The following NFASC variants were observed in gnomAD, a reference collection of about 807,000 sequenced individuals.
NFASC encodes the protein neurofascin.
A neutral mutation model predicts 147.5 loss-of-function variants in NFASC; 43 were observed. The ratio of observed to expected loss-of-function variants is 0.29; its 90% CI spans 0.23 to 0.38. NFASC has a LOEUF of 0.38. Ranked by LOEUF, NFASC falls within the 10% of genes least tolerant of loss-of-function variation. The probability of loss-of-function intolerance (pLI) is 1.00; values close to 1 mark genes in which losing one functional copy is unlikely to be tolerated. For missense variants in NFASC, 1,320 were observed against 1,689.0 expected (o/e 0.78, Z 3.83); for synonymous variants, 622 against 665.5 (o/e 0.93, Z 1.01).
chr1:204,861,467 T>C (rs1166290145), intron 1 of NFASC, among the ~76,000 whole-genome samples: 2 of 152,224 alleles, frequency 1.3e-5, no homozygotes, highest in Admixed American at 6.5e-5. Flanking sequence ...AACATTTGGC[T>C]TATTGAGGAA....
intron 23 of NFASC, 108 bp downstream of exon 23, chr1:204,988,914 C>T (rs2095666245): frequency 3.8e-6 from 4 of 1,048,316 alleles, no homozygotes; most frequent in Middle Eastern, 3.0e-4. Flanking sequence ...GGAAATGAGA[C>T]TTGCAAGTCC....
chr1:204,984,369 GTATATATATACGCATATATATATATATA>G (rs2095567300), intron 21 of NFASC: 2 of 179,574 alleles, frequency 1.1e-5, no homozygotes, highest in Non-Finnish European at 2.1e-5. Context: ...GTGTGTGTGT[GTATATATATACGCATATATATATATATA>G]TATATATATA....
chr1:204,930,270 T>C (rs2092243233), intron 2 of NFASC, among the ~76,000 whole-genome samples: 2 of 151,474 alleles, frequency 1.3e-5, no homozygotes, highest in South Asian at 4.2e-4. Flanking sequence ...CAGGGGGAGA[T>C]TTGAGAAAGA....
chr1:204,838,105 G>A (rs1210271434), intron 1 of NFASC, among the ~76,000 whole-genome samples: 7 of 152,142 alleles, frequency 4.6e-5, no homozygotes, highest in Non-Finnish European at 8.8e-5. Context: ...ACATCTAAAT[G>A]CTTTATATTA....
At chr1:204,969,711 C>G (rs572756444) in intron 10 of NFASC, among the ~76,000 whole-genome samples, 1 of 152,138 alleles carries the variant, frequency 6.6e-6, no homozygotes, top group Non-Finnish European at 1.5e-5. Context: ...ATCTGAAAGG[C>G]TCACTTCTCA....
At chr1:204,859,377 C>T (rs2076471952) in intron 1 of NFASC, among the ~76,000 whole-genome samples, 1 of 152,194 alleles carries the variant, frequency 6.6e-6, no homozygotes, top group South Asian at 2.1e-4. Flanking sequence ...TCATCATTGG[C>T]CACAGCAGTT....
rs551568942 is a variant in NFASC at position 204,997,556 on chromosome 1, G to A, written c.3019+150G>A. On this transcript the variant is annotated intron_variant, in intron 25 of 29. Transcript: ENST00000339876. ...TTGTGTTTCCTTTGGAAACTCACCC[G>A]TGACTGGATGCTCAGTCCCGTAGCC... 3.0e-4 allele frequency: 270 copies of A among 898,518 alleles called. 1 individual carries two copies. The highest frequency in any genetic ancestry group is 2.5e-3 in the African/African-American group (153 of 60,708). The allele number at this position is 898,518 out of a possible 1,614,324, so 55.7% of individuals were successfully genotyped here. A position where few individuals can be genotyped will look rare whatever the true frequency, so the allele number is the denominator to read the frequency against.
chr1:205,014,855 T>C (rs554080944), intron 29 of NFASC, among the ~76,000 whole-genome samples: 2 of 152,240 alleles, frequency 1.3e-5, no homozygotes, highest in South Asian at 4.1e-4. Context: ...AAGGAGTGCA[T>C]GCGAATAAGA....
At chr1:205,005,651 C>T (rs1160252932) in intron 27 of NFASC, among the ~76,000 whole-genome samples, 1 of 152,222 alleles carries the variant, frequency 6.6e-6, no homozygotes, top group Non-Finnish European at 1.5e-5. Flanking sequence ...GCCTTCCTCT[C>T]AGAGTCCAGG....
rs2093687684 is a variant in NFASC, at chr1:204,945,793, G to A, written c.91+1387G>A. ...GAGAGTTTCTCATTAACAGTCCCAGGCAGACAGTCTAATAAGGAGCCTGGT... is the reference window on the plus strand; with the variant it reads ...GAGAGTTTCTCATTAACAGTCCCAGACAGACAGTCTAATAAGGAGCCTGGT... On this transcript the variant is annotated intron_variant, in intron 3 of 29. Coordinates refer to ENST00000339876, the MANE Select transcript of NFASC (RefSeq NM_001005388.3). Among the ~76,000 whole-genome samples the A allele has an allele frequency of 2.6e-5, 4 of 152,326 alleles. No individual in the cohort carries two copies. In the South Asian group the frequency reaches 8.3e-4, roughly 32 times the overall value.
At chr1:204,947,098 G>A (rs1208399615) in intron 3 of NFASC, 1 of 315,032 alleles carries the variant, frequency 3.2e-6, no homozygotes, top group Non-Finnish European at 6.3e-6. Context: ...AGCAGAAACA[G>A]GCCCAAAAGA....
At chr1:204,858,833 T>C (rs2076402502) in intron 1 of NFASC, among the ~76,000 whole-genome samples, 1 of 152,130 alleles carries the variant, frequency 6.6e-6, no homozygotes, top group Non-Finnish European at 1.5e-5. Flanking sequence ...CTCTTCTTTC[T>C]GGAAAGACCC....
chr1:204,929,940 A>G (rs1249682628), intron 2 of NFASC, among the ~76,000 whole-genome samples: 1 of 152,168 alleles, frequency 6.6e-6, no homozygotes, highest in South Asian at 2.1e-4. Context: ...CATCTGTTGC[A>G]TCGTTCCTTC....
chr1:204,962,079 GT>G, intron 8 of NFASC: 1 of 1,601,840 alleles, frequency 6.2e-7, no homozygotes, highest in Non-Finnish European at 8.5e-7. Context: ...GTGGCCTCCT[GT>G]TTGCTCACCC....
chr1:204,943,836 G>A (rs2093534826), intron 2 of NFASC, among the ~76,000 whole-genome samples: 1 of 152,200 alleles, frequency 6.6e-6, no homozygotes, highest in Non-Finnish European at 1.5e-5. Flanking sequence ...AGGCCAATAG[G>A]CCAATGTTTG....
Position 204,954,512 on chromosome 1 carries a change from T to C in NFASC, c.412+128T>C, listed in dbSNP as rs2094328020. The C allele has an allele frequency of 1.2e-6, 1 of 813,272 alleles. No individual in the cohort carries two copies. The highest frequency in any genetic ancestry group is 2.7e-5 in the East Asian group (1 of 37,362). 50.4% of individuals were successfully genotyped at this position (813,272 alleles called of 1,614,324 possible). A position where few individuals can be genotyped will look rare whatever the true frequency, so the allele number is the denominator to read the frequency against. On this transcript the variant is annotated intron_variant, in intron 6 of 29. Transcript: ENST00000339876. The surrounding 1 kb of genome is among the most constrained non-coding windows in gnomAD (Gnocchi z 5.7). ...CAGTTGCCTTGGTGTTCTCTATGCA[T>C]CTTCCCCACCTCAGAATGATTCCCT...
intron 1 of NFASC, among the ~76,000 whole-genome samples, chr1:204,856,167 G>A (rs1271412003): frequency 6.6e-6 from 1 of 151,996 alleles, no homozygotes; most frequent in Non-Finnish European, 1.5e-5. Flanking sequence ...TCGAGAGCTT[G>A]CAGTCCAATT....
At chr1:204,905,912 A>T (rs901258098) in intron 1 of NFASC, among the ~76,000 whole-genome samples, 2 of 152,190 alleles carry the variant, frequency 1.3e-5, no homozygotes, top group Admixed American at 6.5e-5. Context: ...CTTTGCCAAC[A>T]TTTGGTATCA....
At chr1:204,843,265 T>C (rs904012917) in intron 1 of NFASC, among the ~76,000 whole-genome samples, 5 of 152,200 alleles carry the variant, frequency 3.3e-5, no homozygotes, top group African/African-American at 7.2e-5. Context: ...ATATTGTGCT[T>C]GCTGGGACTA....
Sources: gnomAD v4.1 joint callset for allele counts (sites outside exome capture counted in the v4.1 genomes callset) on GRCh38, gnomAD v4.1.1 for gene constraint, Gnocchi (gnomAD v3.1) non-coding constraint, MANE v1.5 for transcripts, NCBI Gene and HGNC (gene_info 2026-07-23, HGNC 2026-07-21) for gene names.